The following TCF4 variants were observed in gnomAD, a reference collection of about 807,000 sequenced individuals.
The protein encoded by TCF4 is SL3-3 enhancer factor 2.
In TCF4, 3 loss-of-function variants were observed where a neutral mutation model predicts 82.1. The ratio of observed to expected loss-of-function variants is 0.04; its 90% confidence interval spans 0.02 to 0.09. The LOEUF is 0.09. TCF4 is among the 10% of genes least tolerant of loss of function. TCF4 has a pLI of 1.00. For synonymous variants in TCF4, 276 were observed against 309.6 expected, an observed-to-expected ratio of 0.89 and a Z score of 1.14; for missense variants, 518 against 852.7, an observed-to-expected ratio of 0.61 and a Z score of 4.89.
chr18:55,580,724 G>C (rs1056441563), intron 3 of TCF4, among the ~76,000 whole-genome samples: 2 of 148,640 alleles, frequency 1.3e-5, no homozygotes, highest in African/African-American at 5.0e-5. Context: ...ATATAATCTT[G>C]CAAAAATGAG....
rs537660770 is a variant in TCF4, at chr18:55,244,370, A to T, written c.1351-9687T>A. Among the ~76,000 whole-genome samples, 4 of 152,304 alleles carry T rather than the reference A, an allele frequency of 2.6e-5. No individual in the cohort carries two copies. The East Asian group carries it at 7.7e-4, about 29-fold the overall frequency. On this transcript the variant is annotated intron_variant, in intron 15 of 19. Transcript: ENST00000354452. Reference sequence around the variant, plus strand: ...GTTGGTGTGTTTAAAGAGGAAATTCAAACACCCAAAGGAGACTAGAGCGCC... The same window carrying T: ...GTTGGTGTGTTTAAAGAGGAAATTCTAACACCCAAAGGAGACTAGAGCGCC...
chr18:55,356,658 GATAA>G (rs1444868424), intron 6 of TCF4, among the ~76,000 whole-genome samples: 6 of 152,162 alleles, frequency 3.9e-5, no homozygotes, highest in African/African-American at 7.2e-5. Context: ...ATTGGTCACT[GATAA>G]ATAACCTCAA....
At chr18:55,544,823 G>A (rs1400397099) in intron 3 of TCF4, among the ~76,000 whole-genome samples, 2 of 152,010 alleles carry the variant, frequency 1.3e-5, no homozygotes, top group Non-Finnish European at 2.9e-5. Flanking sequence ...AAAGACTGGC[G>A]TCATCAAGCA....
At chr18:55,228,057 A>G in intron 19 of TCF4, 27 bp from the exon 20 acceptor site, 1 of 885,658 alleles carries the variant, frequency 1.1e-6, no homozygotes, top group South Asian at 1.8e-5. Flanking sequence ...GAGAGAAAAA[A>G]TTCATTAATA....
intron 3 of TCF4, among the ~76,000 whole-genome samples, chr18:55,475,966 T>C (rs2096279708): frequency 6.6e-6 from 1 of 152,196 alleles, no homozygotes; most frequent in South Asian, 2.1e-4. Flanking sequence ...TGTGAATTAA[T>C]GCAATGTATA....
chr18:55,506,851 T>A (rs2096766438), intron 3 of TCF4, among the ~76,000 whole-genome samples: 1 of 151,698 alleles, frequency 6.6e-6, no homozygotes, highest in South Asian at 2.1e-4. Flanking sequence ...CAGCATATGA[T>A]CTTTCTTTTT....
At chr18:55,358,893 A>G (rs2084314012) in intron 6 of TCF4, among the ~76,000 whole-genome samples, 1 of 152,218 alleles carries the variant, frequency 6.6e-6, no homozygotes, top group Non-Finnish European at 1.5e-5. Flanking sequence ...ACCCATGGTA[A>G]GAATTCAGTT....
chr18:55,267,217 T>C (rs1048542056), intron 11 of TCF4: 2 of 152,262 alleles, frequency 1.3e-5, no homozygotes, highest in East Asian at 1.9e-4. Flanking sequence ...TGTTCCCTAT[T>C]TGCCAATTAT....
At chr18:55,321,625 A>G in intron 8 of TCF4, 1 of 1,536,108 alleles carries the variant, frequency 6.5e-7, no homozygotes, top group Non-Finnish European at 8.7e-7. Context: ...TCCCTGCGAC[A>G]ATAAAACTTG....
At chr18:55,390,691 T>G (rs1036500491) in intron 6 of TCF4, among the ~76,000 whole-genome samples, 1 of 152,174 alleles carries the variant, frequency 6.6e-6, no homozygotes, top group Non-Finnish European at 1.5e-5. Flanking sequence ...ATTATAAAAT[T>G]TTAGAGGCTA....
At chr18:55,303,792 T>C (rs1383589036) in intron 8 of TCF4, among the ~76,000 whole-genome samples, 1 of 152,072 alleles carries the variant, frequency 6.6e-6, no homozygotes, top group Non-Finnish European at 1.5e-5. Flanking sequence ...TAACACGACA[T>C]GAAAATCAAG....
intron 16 of TCF4, among the ~76,000 whole-genome samples, chr18:55,233,709 C>A (rs574595141): frequency 2.4e-4 from 37 of 151,624 alleles, no homozygotes; most frequent in African/African-American, 8.2e-4. Context: ...CTAGCTACCC[C>A]CTGGGAGGCT....
At chr18:55,421,207 T>C (rs1380775070) in intron 5 of TCF4, among the ~76,000 whole-genome samples, 2 of 152,204 alleles carry the variant, frequency 1.3e-5, no homozygotes, top group Non-Finnish European at 2.9e-5. Flanking sequence ...CACATGCCTG[T>C]GTACACACAC....
rs575602234 is a variant in TCF4 at position 55,385,750 on chromosome 18, G to A, written c.369+17704C>T. ...AAGACTAAAAAGGTCAAGTGGAAAG[G>A]TAGATATCAGGGATTAGAGTCCTTC... On this transcript the variant is annotated intron_variant, in intron 6 of 19. Transcript: ENST00000354452. Among the ~76,000 whole-genome samples the A allele has an allele frequency of 5.9e-5, 9 of 152,200 alleles. No homozygotes were observed. The South Asian group carries it at 1.7e-3, about 28-fold the overall frequency.
At chr18:55,386,666 A>G (rs9320010) in intron 6 of TCF4, among the ~76,000 whole-genome samples, 74,059 of 152,040 alleles carry the variant, frequency 0.49, 19,384 homozygotes, top group African/African-American at 0.71. Flanking sequence ...ATATATGAAA[A>G]GTAAGGAGGT....
chr18:55,297,151 T>G (rs1377178234), intron 8 of TCF4, among the ~76,000 whole-genome samples: 38 of 136,334 alleles, frequency 2.8e-4, no homozygotes, highest in African/African-American at 8.4e-4. Context: ...TTTGAGGTTT[T>G]TTTTTTTTTT....
At chr18:55,421,241 C>G (rs2094740151) in intron 5 of TCF4, among the ~76,000 whole-genome samples, 1 of 152,002 alleles carries the variant, frequency 6.6e-6, no homozygotes, top group South Asian at 2.1e-4. Context: ...CAAACTGTGA[C>G]AAAATAAAAG....
At chr18:55,479,055 C>T (rs1164755962) in intron 3 of TCF4, among the ~76,000 whole-genome samples, 3 of 151,786 alleles carry the variant, frequency 2.0e-5, no homozygotes, top group Non-Finnish European at 4.4e-5. Context: ...TAACATTTTC[C>T]CTTTCTTCCT....
chr18:55,359,630 C>T (rs1048927242), intron 6 of TCF4, among the ~76,000 whole-genome samples: 1 of 152,228 alleles, frequency 6.6e-6, no homozygotes, highest in Admixed American at 6.5e-5. Context: ...ACCCAGTAGA[C>T]ACGTAATTCC....
Sources: gnomAD v4.1 joint callset for allele counts (sites outside exome capture counted in the v4.1 genomes callset) on GRCh38, gnomAD v4.1.1 for gene constraint, MANE v1.5 for transcripts, NCBI Gene and HGNC (gene_info 2026-07-23, HGNC 2026-07-21) for gene names.